The following TNIK variants were observed in gnomAD, a reference collection of about 807,000 sequenced individuals.
TNIK encodes TRAF2 and NCK interacting kinase.
A neutral mutation model predicts 191.3 loss-of-function variants in TNIK; 49 were observed. That is an observed-to-expected ratio of 0.26 (90% CI 0.20 to 0.32). The LOEUF (loss-of-function observed/expected upper bound fraction) is 0.32. TNIK is among the 10% of genes least tolerant of loss of function. The probability of loss-of-function intolerance (pLI) is 1.00; values close to 1 mark genes in which losing one functional copy is unlikely to be tolerated. For missense variants in TNIK, 1,155 were observed against 1,702.3 expected, an observed-to-expected ratio of 0.68 and a Z score of 5.66; for synonymous variants, 594 against 600.9, an observed-to-expected ratio of 0.99 and a Z score of 0.17.
chr3:171,161,646 C>T (rs1266444544), intron 10 of TNIK, among the ~76,000 whole-genome samples: 3 of 152,086 alleles, frequency 2.0e-5, no homozygotes, highest in East Asian at 3.8e-4. Context: ...TGGCCGGGCA[C>T]GGTGGCTCAC....
chr3:171,385,124 A>G (rs1718555624), intron 1 of TNIK, among the ~76,000 whole-genome samples: 1 of 152,152 alleles, frequency 6.6e-6, no homozygotes, highest in Admixed American at 6.6e-5. Flanking sequence ...CATTAAGGCC[A>G]CTGGTTTGAG....
chr3:171,336,350 T>TC (rs1221760099), intron 2 of TNIK, among the ~76,000 whole-genome samples: 2 of 152,296 alleles, frequency 1.3e-5, no homozygotes, highest in Non-Finnish European at 2.9e-5. Flanking sequence ...TAACCTCCTA[T>TC]CAGTTGACTG....
intron 2 of TNIK, among the ~76,000 whole-genome samples, chr3:171,238,388 GGAGA>G (rs1454424707): frequency 6.6e-6 from 1 of 151,412 alleles, no homozygotes; most frequent in African/African-American, 2.4e-5. Flanking sequence ...TACATATGGA[GGAGA>G]GAGAATTTAA....
chr3:171,220,796 T>A (rs1742210458), intron 3 of TNIK, among the ~76,000 whole-genome samples: 1 of 152,174 alleles, frequency 6.6e-6, no homozygotes, highest in East Asian at 1.9e-4. Context: ...ACTATTATGA[T>A]GTAAAAAATA....
intron 2 of TNIK, chr3:171,346,903 C>T (rs1045314979): frequency 6.7e-5 from 26 of 388,570 alleles, no homozygotes; most frequent in Non-Finnish European, 1.0e-4. Flanking sequence ...CATGGGAAAT[C>T]ATTCAAAAGG....
chr3:171,322,471 C>T (rs755981609), intron 2 of TNIK, among the ~76,000 whole-genome samples: 8 of 152,036 alleles, frequency 5.3e-5, no homozygotes, highest in Non-Finnish European at 1.0e-4. Context: ...CTTTCAGAAC[C>T]TTTTACAAGC....
chr3:171,119,562 T>G, intron 18 of TNIK, among the ~76,000 whole-genome samples: 1 of 152,158 alleles, frequency 6.6e-6, no homozygotes, highest in South Asian at 2.1e-4. Context: ...CCAACAATGA[T>G]AGACTGGATT....
At chr3:171,439,174 C>G (rs775242389) in intron 1 of TNIK, among the ~76,000 whole-genome samples, 61 of 151,862 alleles carry the variant, frequency 4.0e-4, no homozygotes, top group Non-Finnish European at 7.4e-4. Context: ...GAAACCCTGT[C>G]TCTACTAAAA....
intron 26 of TNIK, chr3:171,082,633 T>C (rs1010734521): frequency 4.0e-5 from 18 of 450,834 alleles, no homozygotes; most frequent in African/African-American, 3.2e-4. Context: ...AGTTATTTAC[T>C]ACCTAATGCA....
intron 23 of TNIK, among the ~76,000 whole-genome samples, chr3:171,090,427 CTTTTT>C (rs375076101): frequency 7.1e-6 from 1 of 140,350 alleles, no homozygotes; most frequent in Non-Finnish European, 1.5e-5. Context: ...TTCTTTCTTT[CTTTTT>C]TTTTTTTTTG....
intron 1 of TNIK, among the ~76,000 whole-genome samples, chr3:171,436,133 C>G (rs1162708168): frequency 1.3e-5 from 2 of 152,162 alleles, no homozygotes; most frequent in East Asian, 3.8e-4. Context: ...ACCTTCCCTC[C>G]ATCTGGTCCA....
At chr3:171,427,523 C>T (rs1056399566) in intron 1 of TNIK, among the ~76,000 whole-genome samples, 5 of 152,164 alleles carry the variant, frequency 3.3e-5, no homozygotes, top group African/African-American at 1.2e-4. Flanking sequence ...CCGTGCAAGG[C>T]AGTTATAAGA....
chr3:171,452,775 C>T (rs999627822), intron 1 of TNIK, among the ~76,000 whole-genome samples: 12 of 150,218 alleles, frequency 8.0e-5, no homozygotes, highest in Non-Finnish European at 1.0e-4. Flanking sequence ...CACACACATA[C>T]GCCTTGCAAT....
At chr3:171,286,331 A>T (rs1274460316) in intron 2 of TNIK, among the ~76,000 whole-genome samples, 1 of 152,238 alleles carries the variant, frequency 6.6e-6, no homozygotes, top group African/African-American at 2.4e-5. Context: ...TGGAAATTCA[A>T]TAGGGAAGGA....
intron 2 of TNIK, among the ~76,000 whole-genome samples, chr3:171,342,875 T>G (rs369932040): frequency 9.2e-5 from 14 of 152,176 alleles, no homozygotes; most frequent in Admixed American, 9.2e-4. Context: ...TGTTGGTTTT[T>G]CCCATGCTGT....
chr3:171,172,336 G>C (rs1024197727), intron 9 of TNIK, among the ~76,000 whole-genome samples: 4 of 152,158 alleles, frequency 2.6e-5, no homozygotes, highest in Non-Finnish European at 5.9e-5. Context: ...CATTTAGGTA[G>C]AGAATAGCTG....
intron 1 of TNIK, among the ~76,000 whole-genome samples, chr3:171,448,819 G>A (rs1244793031): frequency 6.6e-6 from 1 of 152,034 alleles, no homozygotes; most frequent in African/African-American, 2.4e-5. Context: ...TTGTTACATA[G>A]GTATACATGT....
chr3:171,394,508 G>C (rs920713135), intron 1 of TNIK, among the ~76,000 whole-genome samples: 1 of 152,166 alleles, frequency 6.6e-6, no homozygotes, highest in African/African-American at 2.4e-5. Flanking sequence ...TCTCCACAAA[G>C]GGAAAGGTTG....
intron 2 of TNIK, among the ~76,000 whole-genome samples, chr3:171,333,994 G>T (rs973558687): frequency 3.3e-5 from 5 of 152,114 alleles, no homozygotes; most frequent in Non-Finnish European, 2.9e-5. Flanking sequence ...CCAGTGCCTT[G>T]TTTCTTCACC....
Sources: gnomAD v4.1 joint callset for allele counts (sites outside exome capture counted in the v4.1 genomes callset) on GRCh38, gnomAD v4.1.1 for gene constraint, MANE v1.5 for transcripts, NCBI Gene and HGNC (gene_info 2026-07-23, HGNC 2026-07-21) for gene names.